Variants in TAX1BP1 observed in about 807,000 individuals in gnomAD.
The protein encoded by TAX1BP1 is Tax1 binding protein 1.
A neutral mutation model predicts 97.7 loss-of-function variants in TAX1BP1; 62 were observed. That is an observed-to-expected ratio of 0.63 (90% CI 0.52 to 0.78). The LOEUF is 0.78. Ranked by LOEUF, TAX1BP1 falls within the 30% of genes least tolerant of loss-of-function variation. The pLI is 0.00. For synonymous variants in TAX1BP1, 340 were observed against 304.2 expected (o/e 1.12, Z -1.23); for missense variants, 867 against 916.1 (o/e 0.95, Z 0.69).
At chr7:27,803,462 T>C (rs1049971019) in intron 13 of TAX1BP1, among the ~76,000 whole-genome samples, 12 of 152,352 alleles carry the variant, frequency 7.9e-5, no homozygotes, top group Admixed American at 6.5e-4. Context: ...GAAAGTGTGG[T>C]CTGTGGTCCT....
chr7:27,786,573 TTCTGAG>T (rs1789490301), intron 7 of TAX1BP1, among the ~76,000 whole-genome samples: 1 of 152,156 alleles, frequency 6.6e-6, no homozygotes, highest in Admixed American at 6.5e-5. Context: ...TTCAAGAACA[TTCTGAG>T]TTAAGTCCGT....
At position 27,790,079 on chromosome 7, in the gene TAX1BP1, C is replaced by T. The variant is rs556189193; in HGVS notation, c.1039-1927C>T. Among the ~76,000 whole-genome samples, 9 of 151,870 alleles carry T rather than the reference C, an allele frequency of 5.9e-5. No homozygotes were observed. The East Asian group carries it at 1.7e-3, about 29-fold the overall frequency. On this transcript the variant is annotated intron_variant, in intron 8 of 16. Transcript: ENST00000396319. ...TGAGGATACAAAGTAAAATGTAATC[C>T]TCATCCCTTCTCAGATAAGTAAGTT...
At chr7:27,770,618 G>T (rs565590639) in intron 5 of TAX1BP1, among the ~76,000 whole-genome samples, 1 of 152,120 alleles carries the variant, frequency 6.6e-6, no homozygotes, top group East Asian at 1.9e-4. Flanking sequence ...GTCCAACAAG[G>T]CCTCCAGCAA....
intron 2 of TAX1BP1, among the ~76,000 whole-genome samples, chr7:27,750,405 G>A (rs757731440): frequency 6.6e-6 from 1 of 152,158 alleles, no homozygotes; most frequent in Non-Finnish European, 1.5e-5. Context: ...TCCAAAATCT[G>A]ACAGATTTAG....
chr7:27,799,051 T>C (rs1038554476), intron 12 of TAX1BP1, among the ~76,000 whole-genome samples: 2 of 152,224 alleles, frequency 1.3e-5, no homozygotes, highest in South Asian at 2.1e-4. Context: ...TTATGTTTTA[T>C]GCTTTTTACC....
At position 27,769,216 on chromosome 7, in the gene TAX1BP1, A is replaced by C. The variant is rs1342623152; in HGVS notation, c.454-460A>C. ...GGTGTCTTAAGGAATCAGCACTTTT[A>C]GTAGTAATTCCATAGATGAAGGCCT... On this transcript the variant is annotated intron_variant, in intron 4 of 16. Coordinates refer to ENST00000396319, the MANE Select transcript of TAX1BP1 (RefSeq NM_006024.7). 3.3e-5 allele frequency among the ~76,000 whole-genome samples: 5 copies of C among 152,008 alleles called. No homozygotes were observed. In the East Asian group the frequency reaches 7.7e-4, roughly 24 times the overall value.
intron 2 of TAX1BP1, among the ~76,000 whole-genome samples, chr7:27,757,772 G>T (rs918754529): frequency 9.9e-5 from 15 of 151,944 alleles, no homozygotes; most frequent in Non-Finnish European, 1.5e-4. Flanking sequence ...TGGATAGTTA[G>T]ATTATCCTTG....
chr7:27,816,545 G>A (rs993810712), intron 14 of TAX1BP1, 25 bp downstream of exon 14: 8 of 1,506,342 alleles, frequency 5.3e-6, no homozygotes, highest in Non-Finnish European at 7.0e-6. Context: ...TTTGGTTTGG[G>A]ATTAGCTGCA....
In TAX1BP1 at chr7:27,799,995, G is replaced by A; in HGVS notation, c.1669G>A (p.Asp557Asn). 1.9e-6 allele frequency: 3 copies of A among 1,602,076 alleles called. No homozygotes were observed. Among genetic ancestry groups the A allele is most frequent in the Non-Finnish European group, 1.7e-6 (2 of 1,175,462 alleles). ...GAAAGCAAAATGCAATAAATATGCT[G>A]ATGAACTTGCAAAAATGGAGCTGAA... The part of the protein sequence containing the change: ...DEKAKCNKYA[D>N]ELAKMELKWK... Residue 557 changes from aspartate to asparagine, a missense_variant, in exon 13 of 17, where the codon GAT (aspartate) becomes AAT (asparagine). Physicochemically the swap from Asp to Asn is conservative, Grantham distance 23. Around this residue, in one of 3 missense-constraint regions of TAX1BP1, gnomAD observed 822 missense variants for 851.4 expected, o/e 0.97. Transcript: ENST00000396319.
At chr7:27,746,377 T>G (rs1787816742) in intron 1 of TAX1BP1, among the ~76,000 whole-genome samples, 1 of 135,668 alleles carries the variant, frequency 7.4e-6, no homozygotes, top group Admixed American at 7.8e-5. Context: ...GTAGTGAGTT[T>G]TTTTTTTTTC....
chr7:27,801,256 T>TTA (rs1554320187), intron 13 of TAX1BP1, among the ~76,000 whole-genome samples: 16 of 151,684 alleles, frequency 1.1e-4, no homozygotes, highest in Admixed American at 9.8e-4. Flanking sequence ...TTTTTTTTTT[T>TTA]ACTGAAGACC....
chr7:27,796,027 AG>A (rs1209298488), intron 11 of TAX1BP1, 88 bp from the exon 12 acceptor site: 1 of 883,672 alleles, frequency 1.1e-6, no homozygotes, highest in Non-Finnish European at 1.8e-6. Flanking sequence ...TATATTTTAC[AG>A]TATACTGACC....
chr7:27,744,012 A>G, intron 1 of TAX1BP1, among the ~76,000 whole-genome samples: 1 of 14,296 alleles, frequency 7.0e-5, no homozygotes. Context: ...TCACCTTGTT[A>G]GCCAGGATGG....
chr7:27,752,563 TTGAC>T lies in TAX1BP1; in HGVS notation c.162+3881_162+3884del, dbSNP rs1335672219. On this transcript the variant is annotated intron_variant, in intron 2 of 16. Transcript: ENST00000396319. The stretch of plus-strand genomic sequence containing the variant: ...GGTTTTGAGTACATTATTGAAATGA[TTGAC>T]TGATAGTGAAGTCCAGGTTGGGTAG... Among the ~76,000 whole-genome samples, 4 of 152,198 alleles carry T rather than the reference TTGAC, an allele frequency of 2.6e-5. No individual in the cohort carries two copies. The East Asian group carries it at 5.8e-4, about 22-fold the overall frequency.
intron 2 of TAX1BP1, among the ~76,000 whole-genome samples, chr7:27,751,264 T>A (rs1344819276): frequency 6.6e-6 from 1 of 152,178 alleles, no homozygotes; most frequent in East Asian, 1.9e-4. Flanking sequence ...CAATAGGAAG[T>A]TCAGGCATGT....
intron 13 of TAX1BP1, among the ~76,000 whole-genome samples, chr7:27,814,742 A>AG (rs1790698835): frequency 1.7e-5 from 2 of 117,494 alleles, no homozygotes; most frequent in South Asian, 5.4e-4. Flanking sequence ...TCATTTTTCT[A>AG]GTTTTTTTTT....
chr7:27,795,851 G>T (rs1250513500), intron 11 of TAX1BP1, among the ~76,000 whole-genome samples: 1 of 152,060 alleles, frequency 6.6e-6, no homozygotes. Flanking sequence ...GTGCCCGGCC[G>T]CTTTTTAGCA....
At chr7:27,740,878 C>T (rs1466407355) in intron 1 of TAX1BP1, among the ~76,000 whole-genome samples, 1 of 152,190 alleles carries the variant, frequency 6.6e-6, no homozygotes, top group African/African-American at 2.4e-5. Context: ...CACCTGGAAT[C>T]CATTCCCCAC....
intron 13 of TAX1BP1, 82 bp from the exon 14 acceptor site, chr7:27,816,267 T>G: frequency 8.8e-7 from 1 of 1,130,660 alleles, no homozygotes; most frequent in South Asian, 1.6e-5. Flanking sequence ...TATTGTTATA[T>G]TTTGACTAAA....
Sources: allele counts gnomAD v4.1 joint callset (sites outside exome capture counted in the v4.1 genomes callset), GRCh38; gene constraint gnomAD v4.1.1; regional missense constraint gnomAD v4.1.1; transcripts MANE v1.5; gene names NCBI Gene and HGNC (gene_info 2026-07-23, HGNC 2026-07-21).